The following AP3B1 variants were observed in gnomAD, a reference collection of about 807,000 sequenced individuals.
The protein encoded by AP3B1 is adaptor related protein complex 3 subunit beta 1, also known as AP-3 complex subunit beta-1.
In AP3B1, 61 loss-of-function variants were observed where a neutral mutation model predicts 132.5. That is an observed-to-expected ratio of 0.46 (90% CI 0.37 to 0.57). The LOEUF (loss-of-function observed/expected upper bound fraction) is 0.57, where lower values mean the gene tolerates loss of function less well. Ranked by LOEUF, AP3B1 falls within the 20% of genes least tolerant of loss-of-function variation. AP3B1 has a pLI of 0.00. For missense variants in AP3B1, 1,120 were observed against 1,289.4 expected (o/e 0.87, Z 2.01); for synonymous variants, 388 against 438.3 (o/e 0.89, Z 1.43).
chr5:78,247,841 T>C (rs899004918), intron 2 of AP3B1, among the ~76,000 whole-genome samples: 5 of 152,346 alleles, frequency 3.3e-5, no homozygotes, highest in Admixed American at 2.0e-4. Context: ...ATTATTAACA[T>C]GGTTAGATTC....
intron 1 of AP3B1, among the ~76,000 whole-genome samples, chr5:78,272,847 T>G (rs1748604324): frequency 6.6e-6 from 1 of 152,028 alleles, no homozygotes; most frequent in Admixed American, 6.6e-5. Flanking sequence ...TCTGAATAAA[T>G]AAAGAACTGC....
At chr5:78,254,267 G>A (rs1255159172) in intron 2 of AP3B1, among the ~76,000 whole-genome samples, 1 of 152,146 alleles carries the variant, frequency 6.6e-6, no homozygotes, top group Non-Finnish European at 1.5e-5. Context: ...AGGGAAGGTA[G>A]AGAAATCGAT....
rs150680135 is a variant in AP3B1, at chr5:78,131,120, A to G, written c.1651-1813T>C. Among the ~76,000 whole-genome samples, 33 of 152,062 alleles carry G rather than the reference A, an allele frequency of 2.2e-4. No individual in the cohort carries two copies. In the East Asian group the frequency reaches 6.0e-3, roughly 28 times the overall value. ...CTAAAAGATAAAAACAAATTTGTGT[A>G]CAATGATGCACTAAAACCATAAGCA... On this transcript the variant is annotated intron_variant, in intron 15 of 26. Coordinates refer to ENST00000255194, the MANE Select transcript of AP3B1 (RefSeq NM_003664.5).
intron 7 of AP3B1, among the ~76,000 whole-genome samples, chr5:78,192,188 T>C (rs1294076752): frequency 6.6e-6 from 1 of 151,156 alleles, no homozygotes; most frequent in South Asian, 2.1e-4. Context: ...TTCAACAAAA[T>C]GTCTTTAAAA....
At chr5:78,079,156 T>C (rs1295953806) in intron 22 of AP3B1, among the ~76,000 whole-genome samples, 1 of 152,220 alleles carries the variant, frequency 6.6e-6, no homozygotes, top group African/African-American at 2.4e-5. Context: ...TTCTTCTTAC[T>C]GAATGTTTTT....
At chr5:78,073,143 A>G (rs1749616333) in intron 22 of AP3B1, among the ~76,000 whole-genome samples, 2 of 152,334 alleles carry the variant, frequency 1.3e-5, no homozygotes, top group Admixed American at 1.3e-4. Context: ...TTCATTGGAC[A>G]TGTATTCTAC....
chr5:78,097,284 T>G (rs1177710961), intron 21 of AP3B1, among the ~76,000 whole-genome samples: 11 of 55,452 alleles, frequency 2.0e-4, no homozygotes, highest in Admixed American at 3.9e-4. Context: ...GGGAGGGAGG[T>G]GGGGGGGTCA....
chr5:78,184,686 C>CAAAAAAAAAAAAAAAAAAAA (rs772722596), intron 7 of AP3B1, among the ~76,000 whole-genome samples: 32 of 110,518 alleles, frequency 2.9e-4, no homozygotes, highest in African/African-American at 9.4e-4. Flanking sequence ...GACACTGTCT[C>CAAAAAAAAAAAAAAAAAAAA]AAAAAAAAAA....
chr5:78,261,149 T>C (rs982442435), intron 2 of AP3B1, among the ~76,000 whole-genome samples: 2 of 152,208 alleles, frequency 1.3e-5, no homozygotes, highest in African/African-American at 4.8e-5. Context: ...GTGGATTATG[T>C]GATAATTCCA....
In AP3B1 at chr5:78,020,689, C is replaced by T. The variant is rs779017901; in HGVS notation, c.2992+3G>A. On this transcript the variant is annotated splice_donor_region_variant and intron_variant, in intron 25 of 26. Transcript: ENST00000255194. ...TTTCTAGTAAGTTGTAGACATCTCT[C>T]ACCTTGCTCTTTCTTAAAATCTTTC... is the stretch of plus-strand genomic sequence containing the variant. The T allele has an allele frequency of 2.6e-5, 41 of 1,604,748 alleles. 1 individual carries two copies. The highest frequency in any genetic ancestry group is 3.3e-4 in the Middle Eastern group (2 of 6,054).
At chr5:78,102,759 TAAC>T (rs1751181839) in intron 20 of AP3B1, among the ~76,000 whole-genome samples, 1 of 152,116 alleles carries the variant, frequency 6.6e-6, no homozygotes, top group South Asian at 2.1e-4. Flanking sequence ...TATGGAACTG[TAAC>T]CTCCCCACCT....
intron 13 of AP3B1, among the ~76,000 whole-genome samples, chr5:78,160,752 G>A (rs1743355921): frequency 6.6e-6 from 1 of 151,798 alleles, no homozygotes; most frequent in Admixed American, 6.6e-5. Context: ...AAGAGGAAGG[G>A]GCTCTATTGT....
chr5:78,087,200 C>T (rs138642003), intron 22 of AP3B1, among the ~76,000 whole-genome samples: 2 of 152,282 alleles, frequency 1.3e-5, no homozygotes, highest in African/African-American at 4.8e-5. Context: ...CTATGAACTT[C>T]ATTTCAGGAT....
At chr5:78,102,248 A>G (rs1455946588) in intron 20 of AP3B1, among the ~76,000 whole-genome samples, 1 of 152,154 alleles carries the variant, frequency 6.6e-6, no homozygotes, top group East Asian at 1.9e-4. Flanking sequence ...CATGAACAAA[A>G]GCATTACGTA....
chr5:78,274,437 T>G (rs967258345), intron 1 of AP3B1, among the ~76,000 whole-genome samples: 2 of 143,264 alleles, frequency 1.4e-5, no homozygotes, highest in African/African-American at 5.2e-5. Flanking sequence ...CTAATTAGAG[T>G]TCCAAAGAGA....
chr5:78,096,548 T>C (rs1447835246), intron 21 of AP3B1, among the ~76,000 whole-genome samples: 4 of 131,046 alleles, frequency 3.1e-5, no homozygotes, highest in Non-Finnish European at 6.5e-5. Flanking sequence ...CCGGCCACCA[T>C]CCCATCTAGG....
chr5:78,227,980 A>C (rs750037941), intron 4 of AP3B1, among the ~76,000 whole-genome samples, 164 bp downstream of exon 4: 5 of 152,214 alleles, frequency 3.3e-5, no homozygotes, highest in Non-Finnish European at 7.3e-5. Context: ...AGTTGGTTGT[A>C]TAAATTATTT....
chr5:78,113,797 T>C lies in AP3B1; in HGVS notation c.2204A>G (p.Glu735Gly). The C allele has an allele frequency of 4.3e-6, 7 of 1,614,208 alleles. No homozygotes were observed. Among genetic ancestry groups the C allele is most frequent in the Non-Finnish European group, 5.9e-6 (7 of 1,180,040 alleles). Residue 735 changes from glutamate (E) to glycine (G), a missense_variant, in exon 19 of 27, where the codon GAA becomes GGA. Physicochemically the swap from Glu to Gly is moderately conservative, Grantham distance 98. Transcript: ENST00000255194. ...DSESGRESGL[E>G]NKRTAKRNSK... is the part of the protein sequence containing the mutation. The stretch of plus-strand genomic sequence containing the variant: ...GTTCCTCTTGGCTGTTCTTTTGTTT[T>C]CTAGGCCTGACTCCCGTCCACTCTC...
At chr5:78,068,731 A>G (rs892217910) in intron 22 of AP3B1, among the ~76,000 whole-genome samples, 16 of 152,266 alleles carry the variant, frequency 1.1e-4, no homozygotes, top group Admixed American at 5.9e-4. Flanking sequence ...AAAAGGAGGG[A>G]TTCCTCACTA....
Sources: gnomAD v4.1 joint callset for allele counts (sites outside exome capture counted in the v4.1 genomes callset) on GRCh38, gnomAD v4.1.1 for gene constraint, MANE v1.5 for transcripts, NCBI Gene and HGNC (gene_info 2026-07-23, HGNC 2026-07-21) for gene names.